Variants in CPNE1 observed in about 807,000 individuals in gnomAD.
The protein encoded by CPNE1 is copine-1.
Under a neutral mutation model 63.2 loss-of-function variants are expected in CPNE1, and 58 were observed. The observed-to-expected ratio is 0.92, with a 90% confidence interval of 0.74 to 1.14. The LOEUF (loss-of-function observed/expected upper bound fraction) is 1.14, where lower values mean the gene tolerates loss of function less well. Ranked by LOEUF, CPNE1 falls within the 50% of genes most tolerant of loss-of-function variation. The pLI is 0.00. For missense variants in CPNE1, 672 were observed against 661.7 expected (o/e 1.02, Z -0.17); for synonymous variants, 237 against 249.0 (o/e 0.95, Z 0.45).
chr20:35,659,128 G>C, intron 1 of CPNE1: 1 of 292,972 alleles, frequency 3.4e-6, no homozygotes, highest in Non-Finnish European at 6.1e-6. Flanking sequence ...TACTTCATTA[G>C]AATGCATATC....
At position 35,627,347 on chromosome 20, in the gene CPNE1, T is replaced by C. The variant is rs907772329; in HGVS notation, c.1169A>G (p.Asn390Ser). The C allele has an allele frequency of 8.7e-6, 14 of 1,613,924 alleles. No individual in the cohort carries two copies. The Admixed American group carries it at 1.3e-4, about 15-fold the overall frequency. Residue 390 changes from asparagine to serine, a missense_variant, in exon 14 of 16, where the codon AAC (asparagine) becomes AGC (serine). Physicochemically the swap from Asn to Ser is conservative, Grantham distance 46. Transcript: ENST00000397443. The part of the protein sequence containing the change: ...LPQVRLYGPT[N>S]FAPIINHVAR... Reference sequence around the variant, plus strand: ...CACATGGTTGATGATGGGTGCAAAGTTGGTAGGGCCATAGAGGCGAACTTG... The same window carrying C: ...CACATGGTTGATGATGGGTGCAAAGCTGGTAGGGCCATAGAGGCGAACTTG...
chr20:35,633,971 A>G (rs1300464080), intron 1 of CPNE1, among the ~76,000 whole-genome samples: 12 of 144,112 alleles, frequency 8.3e-5, no homozygotes, highest in African/African-American at 2.9e-4. Flanking sequence ...AAAAAAAAAA[A>G]AAAAAAAAGG....
intron 1 of CPNE1, chr20:35,654,453 A>G (rs2033762313): frequency 1.2e-6 from 2 of 1,614,098 alleles, no homozygotes; most frequent in Admixed American, 1.7e-5. Flanking sequence ...CACTGCTCTG[A>G]GAGTTCATCT....
In CPNE1 at chr20:35,632,232, G is replaced by GCTCA; in HGVS notation, c.386_387insTGAG (p.Ser130GlufsTer23). On this transcript the variant is annotated frameshift_variant and splice_region_variant, in exon 5 of 16. Coordinates refer to ENST00000397443, the MANE Select transcript of CPNE1 (RefSeq NM_152925.3). LOFTEE classifies it high-confidence loss of function. ...GATTGTCCTTTAATTCCTGAGCTGA[G>GCTCA]ACCTAGGTAGGGGAGACTACATCAC... is the stretch of plus-strand genomic sequence containing the variant. 1 of 1,614,016 alleles carries GCTCA rather than the reference G, an allele frequency of 6.2e-7. No individual in the cohort carries two copies. Among genetic ancestry groups the GCTCA allele is most frequent in the Non-Finnish European group, 8.5e-7 (1 of 1,179,950 alleles).
chr20:35,655,265 G>GA (rs1308560742), intron 1 of CPNE1: 1 of 1,612,012 alleles, frequency 6.2e-7, no homozygotes, highest in Non-Finnish European at 8.5e-7. Flanking sequence ...AAGAAGTGGC[G>GA]AATGTCCATG....
intron 1 of CPNE1, chr20:35,654,743 G>A (rs1407701666): frequency 9.3e-6 from 15 of 1,613,414 alleles, no homozygotes; most frequent in African/African-American, 1.3e-5. Context: ...GGCATCGCTG[G>A]AATTGGAGGA....
At chr20:35,646,034 G>A (rs1441637490) in intron 1 of CPNE1, among the ~76,000 whole-genome samples, 2 of 151,450 alleles carry the variant, frequency 1.3e-5, no homozygotes, top group African/African-American at 2.4e-5. Context: ...CTTGAGCCCC[G>A]GAGTTCAAGA....
At position 35,632,932 on chromosome 20, in the gene CPNE1, AAAGGAGCTGG is replaced by A. The variant is rs1029540055; in HGVS notation, c.1-19_1-10del. 4 of 869,756 alleles carry A rather than the reference AAAGGAGCTGG, an allele frequency of 4.6e-6. No homozygotes were observed. The highest frequency in any genetic ancestry group is 1.6e-5 in the African/African-American group (1 of 61,284). 53.9% of individuals were successfully genotyped at this position (869,756 alleles called of 1,614,324 possible). On this transcript the variant is annotated splice_polypyrimidine_tract_variant and intron_variant, in intron 1 of 15. Coordinates refer to ENST00000397443, the MANE Select transcript of CPNE1 (RefSeq NM_152925.3). Reference sequence around the variant, plus strand: ...GTCACGCAGTGGGCCATCTGAGGGAAAAGGAGCTGGGTCAAGCACCAGGGAGCCTTCTCTC... The same window carrying A: ...GTCACGCAGTGGGCCATCTGAGGGAAGTCAAGCACCAGGGAGCCTTCTCTC...
intron 1 of CPNE1, chr20:35,653,468 C>T: frequency 4.3e-6 from 7 of 1,614,230 alleles, no homozygotes; most frequent in Non-Finnish European, 5.9e-6. Flanking sequence ...TCTAGGGTAA[C>T]TACATGAACA....
At chr20:35,633,667 G>T (rs1207980563) in intron 1 of CPNE1, among the ~76,000 whole-genome samples, 3 of 152,148 alleles carry the variant, frequency 2.0e-5, no homozygotes, top group African/African-American at 7.2e-5. Context: ...TAAAACATAA[G>T]TGAGGCCGGA....
intron 1 of CPNE1, among the ~76,000 whole-genome samples, chr20:35,637,358 T>C (rs548807883): frequency 1.8e-4 from 28 of 152,212 alleles, no homozygotes; most frequent in African/African-American, 6.5e-4. Flanking sequence ...CATACCTACA[T>C]AGAATTTGGT....
intron 9 of CPNE1, 47 bp downstream of exon 9, chr20:35,631,221 A>G (rs753311236): frequency 1.5e-5 from 25 of 1,613,276 alleles, no homozygotes; most frequent in Non-Finnish European, 2.0e-5. Flanking sequence ...AGTTGGTGTC[A>G]TGGAGCTCAG....
At chr20:35,650,873 G>A (rs2033459511) in intron 1 of CPNE1, 1 of 152,566 alleles carries the variant, frequency 6.6e-6, no homozygotes. Flanking sequence ...TATTTTAAAA[G>A]ACTGACCCCT....
chr20:35,641,295 C>A (rs1056166230), intron 1 of CPNE1, among the ~76,000 whole-genome samples: 2 of 152,174 alleles, frequency 1.3e-5, no homozygotes, highest in African/African-American at 4.8e-5. Flanking sequence ...CTGATTCCTA[C>A]CTAATCTCAA....
chr20:35,642,055 C>T (rs1018325150), intron 1 of CPNE1, among the ~76,000 whole-genome samples: 2 of 152,162 alleles, frequency 1.3e-5, no homozygotes, highest in African/African-American at 4.8e-5. Flanking sequence ...ATACTACTGT[C>T]GATAGGGAAT....
At chr20:35,631,621 GATGAGA>G in intron 7 of CPNE1, 43 bp from the exon 8 acceptor site, 2 of 1,607,346 alleles carry the variant, frequency 1.2e-6, no homozygotes, top group Non-Finnish European at 1.7e-6. Flanking sequence ...CCAGGTGGCA[GATGAGA>G]ATAAGTCCCT....
At chr20:35,652,807 T>C (rs751071000) in intron 1 of CPNE1, 5 of 1,605,416 alleles carry the variant, frequency 3.1e-6, no homozygotes, top group Non-Finnish European at 4.3e-6. Context: ...ACCACCAATA[T>C]GGATTGGGCC....
intron 1 of CPNE1, among the ~76,000 whole-genome samples, chr20:35,641,259 G>A (rs1188652501): frequency 6.6e-6 from 1 of 152,208 alleles, no homozygotes; most frequent in Non-Finnish European, 1.5e-5. Flanking sequence ...ATGGTTAAGT[G>A]AAATGAAGAC....
chr20:35,634,203 G>A (rs1379631211), intron 1 of CPNE1, among the ~76,000 whole-genome samples: 2 of 149,404 alleles, frequency 1.3e-5, no homozygotes, highest in Non-Finnish European at 3.0e-5. Flanking sequence ...AGAGCTTGCA[G>A]TGAGCCGAGA....
Sources: gnomAD v4.1 joint callset for allele counts (sites outside exome capture counted in the v4.1 genomes callset) on GRCh38, gnomAD v4.1.1 for gene constraint, MANE v1.5 for transcripts, NCBI Gene and HGNC (gene_info 2026-07-23, HGNC 2026-07-21) for gene names.